The following PEX5L variants were observed in gnomAD, a reference collection of about 807,000 sequenced individuals.
PEX5L encodes peroxisomal biogenesis factor 5 like.
A neutral mutation model predicts 84.0 loss-of-function variants in PEX5L; 30 were observed. The observed-to-expected ratio is 0.36, with a 90% CI of 0.27 to 0.48. PEX5L has a LOEUF of 0.48. PEX5L is among the 20% of genes least tolerant of loss of function. The pLI, the probability that PEX5L is intolerant of heterozygous loss-of-function variation, is 0.99. For synonymous variants in PEX5L, 270 were observed against 283.1 expected (o/e 0.95, Z 0.46); for missense variants, 533 against 754.6 (o/e 0.71, Z 3.44).
At chr3:179,864,075 T>C (rs1012374540) in intron 7 of PEX5L, among the ~76,000 whole-genome samples, 11 of 152,146 alleles carry the variant, frequency 7.2e-5, no homozygotes, top group Non-Finnish European at 1.6e-4. Flanking sequence ...CCTTTCACCA[T>C]GATTGTGTGG....
At chr3:179,894,098 T>C (rs922238616) in intron 3 of PEX5L, among the ~76,000 whole-genome samples, 28 of 152,086 alleles carry the variant, frequency 1.8e-4, no homozygotes, top group African/African-American at 6.8e-4. Flanking sequence ...ATTTGTTAAA[T>C]AGGCCTTTAG....
Position 179,796,098 on chromosome 3 carries a change from T to C in PEX5L, c.*5730A>G, listed in dbSNP as rs1433251891. 6.6e-6 allele frequency: 1 copy of C among 152,214 alleles called. No individual in the cohort carries two copies. The highest frequency in any genetic ancestry group is 2.4e-5 in the African/African-American group (1 of 41,456). The allele number at this position is 152,214 out of a possible 1,614,324, so 9.4% of individuals were successfully genotyped here. On this transcript the variant is annotated 3_prime_UTR_variant, in exon 15 of 15. Coordinates refer to ENST00000467460, the MANE Select transcript of PEX5L (RefSeq NM_016559.3). The stretch of plus-strand genomic sequence containing the variant: ...ATATCTCAGTGAAAATGCCAAATGC[T>C]CGAATTACCGAGCTGAGTGTGTATA...
intron 2 of PEX5L, among the ~76,000 whole-genome samples, chr3:179,970,141 TAAG>T (rs1200276382): frequency 6.6e-6 from 1 of 151,950 alleles, no homozygotes; most frequent in East Asian, 1.9e-4. Context: ...AGATAGTAAA[TAAG>T]AAGAAAAAAA....
chr3:179,937,416 TAAAAA>T (rs372730473), intron 2 of PEX5L, among the ~76,000 whole-genome samples: 1 of 148,328 alleles, frequency 6.7e-6, no homozygotes, highest in African/African-American at 2.5e-5. Flanking sequence ...TACTCCAAAA[TAAAAA>T]AAAAAGTTTA....
At chr3:179,841,959 G>A (rs562764308) in intron 8 of PEX5L, among the ~76,000 whole-genome samples, 1 of 152,312 alleles carries the variant, frequency 6.6e-6, no homozygotes, top group African/African-American at 2.4e-5. Flanking sequence ...AGCATAGTTC[G>A]TCATGTCATA....
Position 179,835,088 on chromosome 3 carries a change from A to T in PEX5L, c.823-15112T>A, listed in dbSNP as rs771898850. On this transcript the variant is annotated intron_variant, in intron 8 of 14. Coordinates refer to ENST00000467460, the MANE Select transcript of PEX5L (RefSeq NM_016559.3). ...AGCACCAGGTTCCTGGGGCTACAGA[A>T]GCTGGAGGAGGCAGCTATGTTCTTA... Among the ~76,000 whole-genome samples the T allele has an allele frequency of 9.2e-5, 14 of 152,218 alleles. 1 individual carries two copies. The highest frequency in any genetic ancestry group is 4.4e-5 in the Non-Finnish European group (3 of 68,042).
At chr3:179,865,591 G>T (rs34849178) in intron 7 of PEX5L, among the ~76,000 whole-genome samples, 16,302 of 151,668 alleles carry the variant, frequency 0.11, 1,017 homozygotes, top group Non-Finnish European at 0.14. Flanking sequence ...TTATAAACTG[G>T]TTATATTGCT....
In PEX5L at chr3:179,961,193, GTA is replaced by G. The variant is rs1491082242; in HGVS notation, c.93+10399_93+10400del. 1.8e-3 allele frequency among the ~76,000 whole-genome samples: 251 copies of G among 138,000 alleles called. 1 individual carries two copies. Among genetic ancestry groups the G allele is most frequent in the African/African-American group, 5.6e-3 (205 of 36,756 alleles). 90.5% of individuals were successfully genotyped at this position (138,000 alleles called of 152,430 possible). A position where few individuals can be genotyped will look rare whatever the true frequency, so the allele number is the denominator to read the frequency against. ...ACAATTGTATTGAATGATCACTTGTGTATGTGTATGTGTGTGTGTGTGTGTGT... is the reference window on the plus strand; with the variant it reads ...ACAATTGTATTGAATGATCACTTGTGTGTGTATGTGTGTGTGTGTGTGTGT... On this transcript the variant is annotated intron_variant, in intron 2 of 14. Transcript: ENST00000467460.
chr3:179,945,701 C>T (rs1438335532), intron 2 of PEX5L, among the ~76,000 whole-genome samples: 1 of 152,180 alleles, frequency 6.6e-6, no homozygotes, highest in African/African-American at 2.4e-5. Context: ...CTTGGGAGTG[C>T]TACAGAGGTT....
At chr3:179,826,807 G>A (rs3774232) in intron 8 of PEX5L, among the ~76,000 whole-genome samples, 102,250 of 152,114 alleles carry the variant, frequency 0.67, 35,056 homozygotes, top group African/African-American at 0.8. Context: ...ATAAAGTATT[G>A]CACATGTTTA....
chr3:179,879,454 A>G (rs886152106), intron 5 of PEX5L, among the ~76,000 whole-genome samples: 1 of 152,214 alleles, frequency 6.6e-6, no homozygotes, highest in Non-Finnish European at 1.5e-5. Context: ...TAAGTAATGT[A>G]CTGTGGTTCC....
chr3:179,908,624 CT>C (rs1486418330), intron 2 of PEX5L, among the ~76,000 whole-genome samples: 11 of 143,210 alleles, frequency 7.7e-5, no homozygotes, highest in African/African-American at 2.8e-4. Flanking sequence ...CCCCCTCCCC[CT>C]ACTCCATGAC....
intron 2 of PEX5L, among the ~76,000 whole-genome samples, chr3:179,910,343 T>C (rs1352563915): frequency 6.6e-6 from 1 of 152,242 alleles, no homozygotes; most frequent in African/African-American, 2.4e-5. Context: ...AGTTTTGAAC[T>C]GCTTGAAAAC....
intron 8 of PEX5L, among the ~76,000 whole-genome samples, chr3:179,830,800 A>G (rs1351839546): frequency 6.6e-6 from 1 of 152,170 alleles, no homozygotes; most frequent in African/African-American, 2.4e-5. Context: ...GCCAGGCCAG[A>G]GACTCTACTG....
chr3:179,806,267 T>C (rs1721275674), intron 14 of PEX5L, among the ~76,000 whole-genome samples: 1 of 152,106 alleles, frequency 6.6e-6, no homozygotes, highest in African/African-American at 2.4e-5. Flanking sequence ...AAAATAGACA[T>C]CCGCAGGGCT....
intron 1 of PEX5L, among the ~76,000 whole-genome samples, chr3:180,030,961 C>T (rs55996513): frequency 0.15 from 22,808 of 150,198 alleles, 2,219 homozygotes; most frequent in African/African-American, 0.27. Context: ...ACAGCCTCTT[C>T]CTATCTAAAT....
intron 1 of PEX5L, among the ~76,000 whole-genome samples, chr3:179,990,886 A>G (rs1290625485): frequency 6.6e-6 from 1 of 152,214 alleles, no homozygotes; most frequent in Non-Finnish European, 1.5e-5. Flanking sequence ...TGTGCTGGGT[A>G]TATTTCCATT....
At chr3:179,971,793 A>C in intron 1 of PEX5L, 128 bp from the exon 2 acceptor site, 1 of 923,978 alleles carries the variant, frequency 1.1e-6, no homozygotes. Context: ...TCTTTATATA[A>C]ATTGCTCATG....
intron 1 of PEX5L, among the ~76,000 whole-genome samples, chr3:179,984,665 T>C (rs1786638520): frequency 6.6e-6 from 1 of 152,240 alleles, no homozygotes; most frequent in Non-Finnish European, 1.5e-5. Flanking sequence ...TTTTCCTTTC[T>C]CTAATAATTA....
Sources: gnomAD v4.1 joint callset for allele counts (sites outside exome capture counted in the v4.1 genomes callset) on GRCh38, gnomAD v4.1.1 for gene constraint, MANE v1.5 for transcripts, NCBI Gene and HGNC (gene_info 2026-07-23, HGNC 2026-07-21) for gene names.